The following VPS8 variants were observed in gnomAD, a reference collection of about 807,000 sequenced individuals.
VPS8 encodes the protein vacuolar protein sorting-associated protein 8 homolog.
A neutral mutation model predicts 216.4 loss-of-function variants in VPS8; 129 were observed. That is an observed-to-expected ratio of 0.60 (90% CI 0.52 to 0.69). The LOEUF (loss-of-function observed/expected upper bound fraction) is 0.69, where lower values mean the gene tolerates loss of function less well. VPS8 is among the 30% of genes least tolerant of loss of function. The pLI, the probability that VPS8 is intolerant of heterozygous loss-of-function variation, is 0.00. For synonymous variants in VPS8, 571 were observed against 565.4 expected (o/e 1.01, Z -0.14); for missense variants, 1,531 against 1,683.5 (o/e 0.91, Z 1.59).
intron 45 of VPS8, among the ~76,000 whole-genome samples, chr3:185,008,500 G>T (rs1371034896): frequency 6.6e-6 from 1 of 152,122 alleles, no homozygotes; most frequent in Non-Finnish European, 1.5e-5. Context: ...GCTTCAAATT[G>T]TGACAGGTAC....
chr3:185,017,836 G>A (rs1020337521), intron 45 of VPS8, among the ~76,000 whole-genome samples: 4 of 151,918 alleles, frequency 2.6e-5, no homozygotes, highest in African/African-American at 7.3e-5. Flanking sequence ...GGCCCAGGAC[G>A]GCCCTTCATG....
At chr3:184,927,147 T>C (rs1027187857) in intron 31 of VPS8, among the ~76,000 whole-genome samples, 2 of 152,182 alleles carry the variant, frequency 1.3e-5, no homozygotes, top group Non-Finnish European at 2.9e-5. Flanking sequence ...TGAGTACCAC[T>C]TCTTTCTGTT....
In VPS8 at chr3:184,914,987, T is replaced by C. The variant is rs752007974; in HGVS notation, c.2196T>C (p.Cys732=). 1.2e-6 allele frequency: 2 copies of C among 1,613,996 alleles called. No individual in the cohort carries two copies. Among genetic ancestry groups the C allele is most frequent in the South Asian group, 2.2e-5 (2 of 91,086 alleles). Residue 732 remains cysteine, a synonymous_variant, in exon 27 of 48, where the codon TGT becomes TGC. Coordinates refer to ENST00000625842, the MANE Select transcript of VPS8 (RefSeq NM_001009921.3). ...TCTCATTCTTTTCTTCTAGCTGTTG[T>C]CTAGCAGGTCGTGCCTATCCCCTTG... is the stretch of plus-strand genomic sequence containing the variant. ...GNKLLVYISC[C]LAGRAYPLGD...
intron 32 of VPS8, among the ~76,000 whole-genome samples, chr3:184,929,376 G>A (rs1388667549): frequency 6.6e-6 from 1 of 151,970 alleles, no homozygotes; most frequent in African/African-American, 2.4e-5. Context: ...TTTTTGTAGA[G>A]ACGGGGTCTT....
intron 21 of VPS8, among the ~76,000 whole-genome samples, chr3:184,878,166 A>G (rs1040511738): frequency 2.1e-4 from 32 of 151,804 alleles, no homozygotes; most frequent in African/African-American, 5.8e-4. Context: ...ATTGGAGTGC[A>G]GTGGCATGAT....
In VPS8 at chr3:184,926,607, T is replaced by G. The variant is rs1292775992; in HGVS notation, c.2588T>G (p.Leu863Arg). The G allele has an allele frequency of 1.6e-5, 26 of 1,603,350 alleles. No individual in the cohort carries two copies. Among genetic ancestry groups the G allele is most frequent in the Non-Finnish European group, 2.2e-5 (26 of 1,174,782 alleles). Reference protein sequence around the residue: ...RTLFDQVLEFLCSPDDDSRHS... With the variant: ...RTLFDQVLEFRCSPDDDSRHS... ...TTCTTCGGCCAGGTCCTTGAATTCC[T>G]TTGTAGTCCTGACGATGACTCCCGA... Residue 863 changes from leucine to arginine, a missense_variant, in exon 31 of 48, where the codon CTT becomes CGT. Physicochemically the swap from Leu to Arg is moderately radical, Grantham distance 102. This residue lies in a region of VPS8 where 1,318 missense variants were observed against 1,468.4 expected (regional missense o/e 0.90). Transcript: ENST00000625842.
chr3:184,829,109 A>G (rs1282872545), intron 3 of VPS8, among the ~76,000 whole-genome samples: 1 of 152,146 alleles, frequency 6.6e-6, no homozygotes, highest in African/African-American at 2.4e-5. Flanking sequence ...GTATTTGTGT[A>G]GTTTCTAATT....
chr3:184,883,281 T>C (rs1730591471), intron 21 of VPS8, among the ~76,000 whole-genome samples: 1 of 152,194 alleles, frequency 6.6e-6, no homozygotes, highest in South Asian at 2.1e-4. Flanking sequence ...ATTTTATTTC[T>C]ATTCATTGTT....
intron 45 of VPS8, among the ~76,000 whole-genome samples, 196 bp from the exon 46 acceptor site, chr3:185,024,140 G>T (rs1272586565): frequency 6.6e-6 from 1 of 151,814 alleles, no homozygotes; most frequent in African/African-American, 2.4e-5. Flanking sequence ...TTTTTTTCTT[G>T]GTTCACTACT....
At chr3:184,953,491 G>C (rs11713588) in intron 36 of VPS8, among the ~76,000 whole-genome samples, 2 of 151,986 alleles carry the variant, frequency 1.3e-5, no homozygotes, top group Non-Finnish European at 2.9e-5. Context: ...GCTTGTGGGC[G>C]TGACTCTCTT....
At chr3:184,925,700 A>G (rs1356147174) in intron 30 of VPS8, among the ~76,000 whole-genome samples, 1 of 151,836 alleles carries the variant, frequency 6.6e-6, no homozygotes, top group Non-Finnish European at 1.5e-5. Context: ...GGTCCATGGT[A>G]TCGTATCAGG....
At chr3:184,833,567 A>G (rs1490720271) in intron 4 of VPS8, among the ~76,000 whole-genome samples, 5 of 152,174 alleles carry the variant, frequency 3.3e-5, no homozygotes, top group African/African-American at 1.2e-4. Flanking sequence ...CTTAAAAGAT[A>G]TGGTATCATC....
At chr3:184,981,296 TGTGCCAGCA>T (rs1438782077) in intron 40 of VPS8, among the ~76,000 whole-genome samples, 1 of 152,128 alleles carries the variant, frequency 6.6e-6, no homozygotes, top group Non-Finnish European at 1.5e-5. Flanking sequence ...CTTGTGTGTG[TGTGCCAGCA>T]GCAACAGCGG....
chr3:184,863,190 T>C, intron 16 of VPS8, 123 bp downstream of exon 16: 2 of 1,149,924 alleles, frequency 1.7e-6, no homozygotes, highest in African/African-American at 1.6e-5. Context: ...GGTGTTTCTT[T>C]ACAAGCCACT....
intron 46 of VPS8, among the ~76,000 whole-genome samples, chr3:185,029,028 T>A (rs1196050997): frequency 1.3e-5 from 2 of 152,196 alleles, no homozygotes; most frequent in African/African-American, 4.8e-5. Flanking sequence ...TTCAGGCTTG[T>A]CTCCCAGGCA....
intron 46 of VPS8, among the ~76,000 whole-genome samples, chr3:185,033,349 C>T (rs184766727): frequency 6.6e-5 from 10 of 152,310 alleles, no homozygotes; most frequent in African/African-American, 2.4e-4. Context: ...CATAGTTTTG[C>T]CTTTTCTAGA....
intron 4 of VPS8, among the ~76,000 whole-genome samples, chr3:184,834,337 A>G (rs967126088): frequency 6.6e-6 from 1 of 152,148 alleles, no homozygotes; most frequent in Non-Finnish European, 1.5e-5. Context: ...GGCGGGTTTA[A>G]TACATTTTAA....
chr3:184,875,776 C>T (rs888506875), intron 21 of VPS8, among the ~76,000 whole-genome samples: 3 of 143,486 alleles, frequency 2.1e-5, no homozygotes, highest in East Asian at 2.0e-4. Flanking sequence ...CACTTGAGCT[C>T]AGGAGTTTGA....
At chr3:184,824,808 A>G (rs1239920648) in intron 2 of VPS8, 23 bp downstream of exon 2, 1 of 1,580,276 alleles carries the variant, frequency 6.3e-7, no homozygotes, top group South Asian at 1.1e-5. Flanking sequence ...ATTTCTGTCA[A>G]GTGATAATGT....
Sources: gnomAD v4.1 joint callset for allele counts (sites outside exome capture counted in the v4.1 genomes callset) on GRCh38, gnomAD v4.1.1 for gene constraint, gnomAD v4.1.1 regional missense constraint, MANE v1.5 for transcripts, NCBI Gene and HGNC (gene_info 2026-07-23, HGNC 2026-07-21) for gene names.